Variants in C8orf34 observed in about 807,000 individuals in gnomAD.
C8orf34 encodes chromosome 8 open reading frame 34.
In C8orf34, 65 loss-of-function variants were observed where a neutral mutation model predicts 68.3. The ratio of observed to expected loss-of-function variants is 0.95; its 90% confidence interval spans 0.78 to 1.17. The LOEUF is 1.17. Among genes scored for constraint, C8orf34 ranks in the 50% most tolerant of loss-of-function variants. The pLI, the probability that C8orf34 is intolerant of heterozygous loss-of-function variation, is 0.00. For missense variants in C8orf34, 664 were observed against 655.4 expected (o/e 1.01, Z -0.14); for synonymous variants, 244 against 241.2 (o/e 1.01, Z -0.11).
chr8:68,597,027 A>G (rs1286402225), intron 7 of C8orf34, among the ~76,000 whole-genome samples: 2 of 152,168 alleles, frequency 1.3e-5, no homozygotes, highest in Non-Finnish European at 2.9e-5. Context: ...TCTACTTTTT[A>G]GCTGAGTGTT....
At chr8:68,748,517 A>C (rs1822585126) in intron 10 of C8orf34, among the ~76,000 whole-genome samples, 1 of 152,082 alleles carries the variant, frequency 6.6e-6, no homozygotes. Context: ...CAGAATCTAC[A>C]ATGAACTCAA....
In C8orf34 at chr8:68,774,748, T is replaced by TAA. The variant is rs200038765; in HGVS notation, c.1405-1644_1405-1643dup. On this transcript the variant is annotated intron_variant, in intron 10 of 13. Coordinates refer to ENST00000518698, the MANE Select transcript of C8orf34 (RefSeq NM_052958.4). ...TGCAAGAATACATCACAATTTTTTTTAAAAAAAACTAAAATGAATTTAATT... is the reference window on the plus strand; with the variant it reads ...TGCAAGAATACATCACAATTTTTTTTAAAAAAAAAACTAAAATGAATTTAATT... Among the ~76,000 whole-genome samples the TAA allele has an allele frequency of 8.5e-3, 1,269 of 149,808 alleles. 16 individuals are homozygous for TAA. Among genetic ancestry groups the TAA allele is most frequent in the African/African-American group, 0.03 (1,200 of 40,346 alleles).
rs573615395 is a variant in C8orf34, at chr8:68,566,694, C to G, written c.1105+33545C>G. On this transcript the variant is annotated intron_variant, in intron 7 of 13. Transcript: ENST00000518698. ...GCATTGGCTTCAGGGAATGTTGTGA[C>G]TGCTTTGATCTTCTTTCCAGGCCAT... Among the ~76,000 whole-genome samples the G allele has an allele frequency of 2.1e-5, 3 of 144,960 alleles. No homozygotes were observed. In the East Asian group the frequency reaches 5.9e-4, roughly 28 times the overall value.
chr8:68,653,296 G>T (rs1377276069), intron 8 of C8orf34, among the ~76,000 whole-genome samples: 1 of 152,160 alleles, frequency 6.6e-6, no homozygotes, highest in Non-Finnish European at 1.5e-5. Flanking sequence ...TTGTAGCCAA[G>T]GTTACTCGTT....
intron 4 of C8orf34, among the ~76,000 whole-genome samples, chr8:68,486,352 T>C (rs1233316871): frequency 6.6e-6 from 1 of 152,148 alleles, no homozygotes; most frequent in African/African-American, 2.4e-5. Context: ...CTTTAACTGT[T>C]TGAAGGCACT....
At chr8:68,690,533 TAGAC>T (rs1203755828) in intron 8 of C8orf34, among the ~76,000 whole-genome samples, 2 of 151,954 alleles carry the variant, frequency 1.3e-5, no homozygotes, top group Non-Finnish European at 2.9e-5. Context: ...CCATTTGTCA[TAGAC>T]AGCTTCTAGC....
chr8:68,501,021 G>A (rs1227460402), intron 5 of C8orf34, among the ~76,000 whole-genome samples: 2 of 152,130 alleles, frequency 1.3e-5, no homozygotes, highest in Non-Finnish European at 2.9e-5. Context: ...CAACTGAAAT[G>A]TGGATATGCC....
intron 10 of C8orf34, among the ~76,000 whole-genome samples, chr8:68,752,175 G>C (rs1002436583): frequency 9.2e-5 from 14 of 152,194 alleles, no homozygotes; most frequent in Non-Finnish European, 1.9e-4. Context: ...AAACTTGTAA[G>C]AGAGTTCTTC....
At chr8:68,572,653 A>G (rs898120993) in intron 7 of C8orf34, among the ~76,000 whole-genome samples, 2 of 152,016 alleles carry the variant, frequency 1.3e-5, no homozygotes, top group African/African-American at 2.4e-5. Flanking sequence ...GCTTGAAGCT[A>G]TACCTAGGGG....
intron 7 of C8orf34, among the ~76,000 whole-genome samples, chr8:68,620,703 AG>A (rs1309405320): frequency 2.7e-5 from 4 of 150,222 alleles, no homozygotes; most frequent in Non-Finnish European, 5.9e-5. Context: ...AAAAAAAAAA[AG>A]AAAAAGAAAA....
intron 8 of C8orf34, among the ~76,000 whole-genome samples, chr8:68,655,481 A>G (rs1056400239): frequency 6.6e-6 from 1 of 152,172 alleles, no homozygotes; most frequent in Non-Finnish European, 1.5e-5. Flanking sequence ...ATGGTGTGAA[A>G]GCCACACACA....
At chr8:68,580,616 A>T (rs147481200) in intron 7 of C8orf34, among the ~76,000 whole-genome samples, 1 of 152,254 alleles carries the variant, frequency 6.6e-6, no homozygotes, top group East Asian at 1.9e-4. Context: ...GTGGTAGAAA[A>T]TTCTAGTTGT....
intron 1 of C8orf34, among the ~76,000 whole-genome samples, chr8:68,430,588 T>C (rs747139074): frequency 2.2e-4 from 33 of 152,162 alleles, no homozygotes; most frequent in Non-Finnish European, 3.8e-4. Context: ...GTTGGACATA[T>C]GATTGGTATC....
chr8:68,682,672 G>A (rs2130881005), intron 8 of C8orf34, among the ~76,000 whole-genome samples: 1 of 152,202 alleles, frequency 6.6e-6, no homozygotes, highest in African/African-American at 2.4e-5. Context: ...GTCTCCTAAA[G>A]TTATATTTCA....
At chr8:68,383,887 A>T (rs1295990269) in intron 1 of C8orf34, among the ~76,000 whole-genome samples, 1 of 152,208 alleles carries the variant, frequency 6.6e-6, no homozygotes, top group Non-Finnish European at 1.5e-5. Flanking sequence ...ATCATTAAGC[A>T]GTCTAAATGA....
At chr8:68,567,089 T>G (rs1181261237) in intron 7 of C8orf34, among the ~76,000 whole-genome samples, 5 of 152,182 alleles carry the variant, frequency 3.3e-5, no homozygotes, top group Non-Finnish European at 5.9e-5. Flanking sequence ...GTAGTTTTCT[T>G]TTTTGGTTGT....
At chr8:68,365,093 T>C (rs1169692934) in intron 1 of C8orf34, among the ~76,000 whole-genome samples, 1 of 148,120 alleles carries the variant, frequency 6.8e-6, no homozygotes, top group African/African-American at 2.5e-5. Flanking sequence ...AAATACAAAC[T>C]ACCATCAGAG....
At chr8:68,551,121 C>G (rs2130053600) in intron 7 of C8orf34, among the ~76,000 whole-genome samples, 2 of 151,960 alleles carry the variant, frequency 1.3e-5, no homozygotes, top group East Asian at 1.9e-4. Flanking sequence ...TCTTTCCTCT[C>G]TTCCTGGTAT....
At chr8:68,546,443 C>T (rs550850803) in intron 7 of C8orf34, among the ~76,000 whole-genome samples, 2 of 151,554 alleles carry the variant, frequency 1.3e-5, no homozygotes, top group South Asian at 2.1e-4. Context: ...GAAGACAAAA[C>T]AATTCTAAAT....
Sources: allele counts gnomAD v4.1 joint callset (sites outside exome capture counted in the v4.1 genomes callset), GRCh38; gene constraint gnomAD v4.1.1; transcripts MANE v1.5; gene names NCBI Gene and HGNC (gene_info 2026-07-23, HGNC 2026-07-21).